The following STOM variants were observed in gnomAD, a reference collection of about 807,000 sequenced individuals.
The protein encoded by STOM is stomatin.
In STOM, 25 loss-of-function variants were observed where a neutral mutation model predicts 30.6. The ratio of observed to expected loss-of-function variants is 0.82; its 90% CI spans 0.60 to 1.14. STOM has a LOEUF of 1.14. STOM is among the 50% of genes most tolerant of loss of function. The pLI, the probability that STOM is intolerant of heterozygous loss-of-function variation, is 0.00. For synonymous variants in STOM, 118 were observed against 130.8 expected (o/e 0.90, Z 0.67); for missense variants, 292 against 365.2 (o/e 0.80, Z 1.63).
chr9:121,354,512 C>A, intron 3 of STOM, 89 bp downstream of exon 3: 2 of 1,067,040 alleles, frequency 1.9e-6, no homozygotes, highest in South Asian at 1.5e-5. Context: ...GGAATGAAAC[C>A]CTGTCTTTAA....
chr9:121,361,803 C>G (rs1010152691), intron 1 of STOM, among the ~76,000 whole-genome samples: 39 of 152,252 alleles, frequency 2.6e-4, no homozygotes, highest in Admixed American at 2.1e-3. Context: ...CTTTTTGGCA[C>G]CAGGGACCAG....
In STOM at chr9:121,341,363, C is replaced by A; in HGVS notation, c.706G>T (p.Glu236Ter). Reference sequence around the variant, plus strand: ...GATTCAGTGATGACCATGGAGGCTTCTTTCAGAGCCCTGGATGCATTCATT... The same window carrying A: ...GATTCAGTGATGACCATGGAGGCTTATTTCAGAGCCCTGGATGCATTCATT... ...GEMNASRALK[E>*]ASMVITESPA... Residue 236 changes from glutamate (E) to a stop codon, truncating the protein, a stop_gained, in exon 7 of 7, where the codon GAA becomes TAA. Transcript: ENST00000286713. LOFTEE classifies it high-confidence loss of function. 5 of 1,613,898 alleles carry A rather than the reference C, an allele frequency of 3.1e-6. No homozygotes were observed. The highest frequency in any genetic ancestry group is 4.2e-6 in the Non-Finnish European group (5 of 1,180,034).
At chr9:121,358,337 A>G (rs147769735) in intron 1 of STOM, among the ~76,000 whole-genome samples, 1 of 151,770 alleles carries the variant, frequency 6.6e-6, no homozygotes, top group East Asian at 1.9e-4. Context: ...GGTGGCACAC[A>G]CCTGTAGTCC....
intron 6 of STOM, among the ~76,000 whole-genome samples, chr9:121,345,208 A>C (rs543186502): frequency 1.2e-4 from 18 of 152,326 alleles, no homozygotes; most frequent in African/African-American, 3.8e-4. Context: ...CTGCTGGCTC[A>C]TAGGGTATAC....
rs749857592 is a variant in STOM, at chr9:121,349,281, C to A, written c.364G>T (p.Val122Phe). The change falls in exon 5 of 7, where the codon GTC (valine) becomes TTC (phenylalanine). Residue 122 changes from valine (V) to phenylalanine (F), a missense_variant. By Grantham distance (50) the Val-to-Phe change is conservative. Transcript: ENST00000286713. Reference protein sequence around the residue: ...DSVTISVDGVVYYRVQNATLA... With the variant: ...DSVTISVDGVFYYRVQNATLA... ...GTTGCATTCTGAACGCGGTAATAGA[C>A]CACACCATCCACGCTAATTGTCACT... 1.9e-6 allele frequency: 3 copies of A among 1,614,140 alleles called. No homozygotes were observed. The highest frequency in any genetic ancestry group is 2.2e-5 in the South Asian group (2 of 91,086).
chr9:121,370,023 C>G (rs537103595), intron 1 of STOM, 104 bp downstream of exon 1: 12 of 1,117,304 alleles, frequency 1.1e-5, no homozygotes, highest in East Asian at 2.6e-5. Flanking sequence ...TCGCCCAGCC[C>G]GAAGCAGCGG....
At chr9:121,368,711 C>T (rs1197191874) in intron 1 of STOM, among the ~76,000 whole-genome samples, 1 of 152,024 alleles carries the variant, frequency 6.6e-6, no homozygotes, top group Non-Finnish European at 1.5e-5. Flanking sequence ...GAGGCCGAGG[C>T]GTGTGGATCA....
intron 1 of STOM, 75 bp downstream of exon 1, chr9:121,370,052 G>C: frequency 7.2e-7 from 1 of 1,382,728 alleles, no homozygotes; most frequent in Non-Finnish European, 9.8e-7. Context: ...CAGGAGCCCG[G>C]CTGTCAGACC....
chr9:121,344,279 T>C (rs750840117), intron 6 of STOM, among the ~76,000 whole-genome samples: 2 of 152,170 alleles, frequency 1.3e-5, no homozygotes, highest in African/African-American at 4.8e-5. Context: ...AGAGAATACA[T>C]CAGAAATCCC....
chr9:121,340,832 C>T lies in STOM; in HGVS notation c.*370G>A. ...GGTTGTGGTGTAAGGTCATCACTTTCTGCAAAGCATTTAGCCAGTCAGCGG... is the reference window on the plus strand; with the variant it reads ...GGTTGTGGTGTAAGGTCATCACTTTTTGCAAAGCATTTAGCCAGTCAGCGG... On this transcript the variant is annotated 3_prime_UTR_variant, in exon 7 of 7. Transcript: ENST00000286713. The T allele has an allele frequency of 9.2e-7, 1 of 1,082,536 alleles. No individual in the cohort carries two copies. The highest frequency in any genetic ancestry group is 1.1e-6 in the Non-Finnish European group (1 of 887,494). The allele number at this position is 1,082,536 out of a possible 1,614,324, so 67.1% of individuals were successfully genotyped here. A position where few individuals can be genotyped will look rare whatever the true frequency, so the allele number is the denominator to read the frequency against.
rs114641640 is a variant in STOM, at chr9:121,362,690, C to T, written c.62-6534G>A. Among the ~76,000 whole-genome samples the T allele has an allele frequency of 7.5e-3, 1,137 of 152,306 alleles. 16 individuals carry two copies. Among genetic ancestry groups the T allele is most frequent in the African/African-American group, 0.026 (1,086 of 41,558 alleles). ...GTTAGCCACATGTAGCTCCTCCTTA[C>T]ATACATGAGTATTTATAATGTTTAC... On this transcript the variant is annotated intron_variant, in intron 1 of 6. Transcript: ENST00000286713.
chr9:121,368,442 CAACT>C (rs1181960587), intron 1 of STOM, among the ~76,000 whole-genome samples: 5 of 152,174 alleles, frequency 3.3e-5, no homozygotes, highest in African/African-American at 1.2e-4. Flanking sequence ...TAGGAAAAGA[CAACT>C]AACTATCGAA....
intron 1 of STOM, among the ~76,000 whole-genome samples, chr9:121,359,196 G>A (rs2064426263): frequency 6.6e-6 from 1 of 152,160 alleles, no homozygotes; most frequent in Non-Finnish European, 1.5e-5. Context: ...CAGTAAGATG[G>A]GGCTTGGAAT....
chr9:121,369,482 G>A (rs2064540632), intron 1 of STOM, among the ~76,000 whole-genome samples: 1 of 150,444 alleles, frequency 6.6e-6, no homozygotes, highest in African/African-American at 2.4e-5. Context: ...GAGGGTGGGG[G>A]TGAGGGTGGG....
chr9:121,341,962 A>G (rs1389396683), intron 6 of STOM, among the ~76,000 whole-genome samples: 1 of 152,218 alleles, frequency 6.6e-6, no homozygotes, highest in African/African-American at 2.4e-5. Context: ...AAAATGAAAA[A>G]TAGGAATAAA....
At chr9:121,359,586 C>A (rs2064430615) in intron 1 of STOM, among the ~76,000 whole-genome samples, 1 of 152,064 alleles carries the variant, frequency 6.6e-6, no homozygotes, top group Non-Finnish European at 1.5e-5. Context: ...ATACCCCAGG[C>A]ATTTTTTAAA....
Position 121,344,287 on chromosome 9 carries a change from C to T in STOM, c.661-2879G>A, listed in dbSNP as rs147851643. Among the ~76,000 whole-genome samples, 530 of 152,296 alleles carry T rather than the reference C, an allele frequency of 3.5e-3. 2 individuals are homozygous for T. Among genetic ancestry groups the T allele is most frequent in the African/African-American group, 0.012 (492 of 41,558 alleles). On this transcript the variant is annotated intron_variant, in intron 6 of 6. Coordinates refer to ENST00000286713, the MANE Select transcript of STOM (RefSeq NM_004099.6). ...GCACTACAGAGAATACATCAGAAAT[C>T]CCCTGCTATGAGAGCAGCAGGCTCT... is the stretch of plus-strand genomic sequence containing the variant.
intron 1 of STOM, among the ~76,000 whole-genome samples, chr9:121,364,733 A>G (rs1002981341): frequency 7.2e-5 from 11 of 152,266 alleles, no homozygotes; most frequent in Admixed American, 3.3e-4. Flanking sequence ...ATACAAGAGG[A>G]AAAAAATAGG....
chr9:121,366,121 T>G, intron 1 of STOM: 3 of 985,290 alleles, frequency 3.0e-6, no homozygotes, highest in Non-Finnish European at 3.6e-6. Flanking sequence ...CTTACCATAG[T>G]GCTCACTTTA....
Sources: allele counts gnomAD v4.1 joint callset (sites outside exome capture counted in the v4.1 genomes callset), GRCh38; gene constraint gnomAD v4.1.1; transcripts MANE v1.5; gene names NCBI Gene and HGNC (gene_info 2026-07-23, HGNC 2026-07-21).